MBD2: variants seen among roughly 807,000 people sequenced by gnomAD.
The protein encoded by MBD2 is methyl-CpG-binding domain protein 2.
A neutral mutation model predicts 39.3 loss-of-function variants in MBD2; 9 were observed. The observed-to-expected ratio is 0.23, with a 90% confidence interval of 0.14 to 0.40. The LOEUF (loss-of-function observed/expected upper bound fraction) is 0.40, where lower values mean the gene tolerates loss of function less well. MBD2 is among the 10% of genes least tolerant of loss of function. The pLI is 1.00. For synonymous variants in MBD2, 233 were observed against 211.1 expected (o/e 1.10, Z -0.90); for missense variants, 458 against 532.6 (o/e 0.86, Z 1.38).
In MBD2 at chr18:54,205,167, A is replaced by G. The variant is rs1021324205; in HGVS notation, c.543-10T>C. On this transcript the variant is annotated splice_polypyrimidine_tract_variant and intron_variant, in intron 1 of 6. Coordinates refer to ENST00000256429, the MANE Select transcript of MBD2 (RefSeq NM_003927.5). Reference sequence around the variant, plus strand: ...CTTCTTACCACTTGGACTAGAAGAAAGTAAGGTTAATTGAACAAAAGGCAA... The same window carrying G: ...CTTCTTACCACTTGGACTAGAAGAAGGTAAGGTTAATTGAACAAAAGGCAA... 3 of 1,610,892 alleles carry G rather than the reference A, an allele frequency of 1.9e-6. No homozygotes were observed. In the African/African-American group the frequency reaches 4.0e-5, roughly 22 times the overall value.
At chr18:54,182,177 T>C (rs1309540154) in intron 3 of MBD2, among the ~76,000 whole-genome samples, 1 of 152,236 alleles carries the variant, frequency 6.6e-6, no homozygotes, top group Admixed American at 6.5e-5. Flanking sequence ...AATGAATAAT[T>C]TAATTCACTA....
At chr18:54,222,967 T>C (rs1358393649) in intron 1 of MBD2, among the ~76,000 whole-genome samples, 1 of 152,244 alleles carries the variant, frequency 6.6e-6, no homozygotes, top group Non-Finnish European at 1.5e-5. Flanking sequence ...AAATCCTTTA[T>C]AACATTATTA....
At chr18:54,194,237 A>G (rs939470601) in intron 2 of MBD2, among the ~76,000 whole-genome samples, 12 of 152,084 alleles carry the variant, frequency 7.9e-5, no homozygotes, top group African/African-American at 2.4e-4. Flanking sequence ...ATTTAATAAT[A>G]AACTGTTAAA....
intron 3 of MBD2, among the ~76,000 whole-genome samples, chr18:54,168,598 T>TATATATATATATATATATATATAC (rs1491141841): frequency 7.3e-5 from 10 of 136,062 alleles, no homozygotes; most frequent in African/African-American, 3.0e-4. Context: ...TATATATATA[T>TATATATATATATATATATATATAC]TTATGTATGC....
At chr18:54,171,693 G>T (rs2086180806) in intron 3 of MBD2, among the ~76,000 whole-genome samples, 2 of 152,174 alleles carry the variant, frequency 1.3e-5, no homozygotes, top group Non-Finnish European at 2.9e-5. Flanking sequence ...GATGAAATAG[G>T]GAGAGGAAGA....
Position 54,152,018 on chromosome 18 carries a change from G to C in MBD2, c.*3306C>G, listed in dbSNP as rs2086024815. ...GCTCGGGGAACATGAGGATGAAAAA[G>C]CACAATCTCTGCTTTTACGGTGCTT... On this transcript the variant is annotated 3_prime_UTR_variant, in exon 7 of 7. Transcript: ENST00000256429. The C allele has an allele frequency of 6.6e-6, 1 of 152,060 alleles. No homozygotes were observed. The highest frequency in any genetic ancestry group is 2.1e-4 in the South Asian group (1 of 4,820). 9.4% of individuals were successfully genotyped at this position (152,060 alleles called of 1,614,324 possible). A position where few individuals can be genotyped will look rare whatever the true frequency, so the allele number is the denominator to read the frequency against.
chr18:54,162,583 C>T (rs2086104747), intron 5 of MBD2, among the ~76,000 whole-genome samples: 1 of 152,146 alleles, frequency 6.6e-6, no homozygotes, highest in South Asian at 2.1e-4. Flanking sequence ...GTGTTGAAGC[C>T]ACCAACATTC....
chr18:54,180,689 C>T (rs1260985121), intron 3 of MBD2, among the ~76,000 whole-genome samples: 3 of 152,112 alleles, frequency 2.0e-5, no homozygotes, highest in Non-Finnish European at 4.4e-5. Context: ...GACTAGAAGA[C>T]TTAACTGGAG....
At chr18:54,157,116 C>A (rs970736500) in intron 6 of MBD2, among the ~76,000 whole-genome samples, 4 of 152,122 alleles carry the variant, frequency 2.6e-5, no homozygotes, top group Non-Finnish European at 5.9e-5. Flanking sequence ...CTCTGAAAGA[C>A]TTCCAGCATA....
At chr18:54,195,461 G>A (rs1599095525) in intron 2 of MBD2, among the ~76,000 whole-genome samples, 1 of 152,104 alleles carries the variant, frequency 6.6e-6, no homozygotes, top group East Asian at 1.9e-4. Context: ...TGTGGTTTTT[G>A]CATACACCGC....
At chr18:54,217,765 T>C (rs900162073) in intron 1 of MBD2, among the ~76,000 whole-genome samples, 3 of 152,236 alleles carry the variant, frequency 2.0e-5, no homozygotes, top group Non-Finnish European at 4.4e-5. Flanking sequence ...GAGATTATTT[T>C]TAGAATGTAT....
At chr18:54,190,516 C>A (rs1189046966) in intron 2 of MBD2, among the ~76,000 whole-genome samples, 1 of 152,184 alleles carries the variant, frequency 6.6e-6, no homozygotes, top group African/African-American at 2.4e-5. Flanking sequence ...CGACCCTGAA[C>A]TGGAATCAGT....
chr18:54,188,669 GATTC>G (rs746329537), intron 3 of MBD2, among the ~76,000 whole-genome samples: 1 of 152,064 alleles, frequency 6.6e-6, no homozygotes, highest in African/African-American at 2.4e-5. Context: ...TTATGAATTA[GATTC>G]ATTATTAACT....
At chr18:54,174,966 A>G (rs1038947269) in intron 3 of MBD2, among the ~76,000 whole-genome samples, 4 of 152,248 alleles carry the variant, frequency 2.6e-5, no homozygotes, top group Non-Finnish European at 5.9e-5. Context: ...TAGAACAGAC[A>G]GGTTTATTTG....
chr18:54,165,977 G>T, intron 4 of MBD2, 99 bp downstream of exon 4: 1 of 775,910 alleles, frequency 1.3e-6, no homozygotes, highest in East Asian at 2.6e-5. Flanking sequence ...CAAAGCAAAG[G>T]CCTCCTGTCA....
chr18:54,194,557 G>GTATA (rs147119140), intron 2 of MBD2, among the ~76,000 whole-genome samples: 2 of 148,712 alleles, frequency 1.3e-5, no homozygotes, highest in African/African-American at 2.5e-5. Flanking sequence ...GTGTGTGTGT[G>GTATA]TATATATATA....
At chr18:54,197,551 T>C (rs937599336) in intron 2 of MBD2, among the ~76,000 whole-genome samples, 50 of 152,242 alleles carry the variant, frequency 3.3e-4, no homozygotes, top group African/African-American at 1.1e-3. Flanking sequence ...TCACATAAAT[T>C]ATTTCCCTAA....
chr18:54,200,735 GT>G (rs2086400487), intron 2 of MBD2, among the ~76,000 whole-genome samples: 2 of 148,484 alleles, frequency 1.3e-5, no homozygotes, highest in South Asian at 4.1e-4. Context: ...GCTCCGTGCT[GT>G]TCAATAGGAT....
chr18:54,159,957 T>C, intron 5 of MBD2, 54 bp from the exon 6 acceptor site: 6 of 1,573,770 alleles, frequency 3.8e-6, no homozygotes, highest in East Asian at 4.5e-5. Context: ...AATGACAATA[T>C]GAATCTGCTA....
Sources: allele counts gnomAD v4.1 joint callset (sites outside exome capture counted in the v4.1 genomes callset), GRCh38; gene constraint gnomAD v4.1.1; transcripts MANE v1.5; gene names NCBI Gene and HGNC (gene_info 2026-07-23, HGNC 2026-07-21).